GBE1: variants seen among roughly 807,000 people sequenced by gnomAD.
GBE1 encodes 1,4-alpha-glucan-branching enzyme.
A neutral mutation model predicts 88.8 loss-of-function variants in GBE1; 70 were observed. The observed-to-expected ratio is 0.79, with a 90% CI of 0.65 to 0.96. The LOEUF (loss-of-function observed/expected upper bound fraction) is 0.96. Among genes scored for constraint, GBE1 ranks in the 40% least tolerant of loss-of-function variants. The probability of loss-of-function intolerance (pLI) is 0.00; values close to 1 mark genes in which losing one functional copy is unlikely to be tolerated. For missense variants in GBE1, 872 were observed against 871.0 expected (o/e 1.00, Z -0.01); for synonymous variants, 284 against 300.1 (o/e 0.95, Z 0.56).
intron 2 of GBE1, among the ~76,000 whole-genome samples, chr3:81,678,874 G>C (rs942357224): frequency 2.0e-5 from 3 of 152,110 alleles, no homozygotes; most frequent in East Asian, 1.9e-4. Context: ...TCTGACTCTA[G>C]ACTGAATATA....
Position 81,525,016 on chromosome 3 carries a change from T to C in GBE1, c.1934+10179A>G, listed in dbSNP as rs555706890. Among the ~76,000 whole-genome samples the C allele has an allele frequency of 5.3e-5, 8 of 152,058 alleles. No individual in the cohort carries two copies. In the South Asian group the frequency reaches 1.7e-3, roughly 31 times the overall value. On this transcript the variant is annotated intron_variant, in intron 14 of 15. Coordinates refer to ENST00000429644, the MANE Select transcript of GBE1 (RefSeq NM_000158.4). ...AGCCTTGGATTGGTATGGTCATTGGTATACGGCCATTCAGGAATATATTGT... is the reference window on the plus strand; with the variant it reads ...AGCCTTGGATTGGTATGGTCATTGGCATACGGCCATTCAGGAATATATTGT...
At chr3:81,757,635 GTTACCTT>G (rs1559711244) in intron 1 of GBE1, among the ~76,000 whole-genome samples, 1 of 152,148 alleles carries the variant, frequency 6.6e-6, no homozygotes, top group Non-Finnish European at 1.5e-5. Context: ...GAAATCACTC[GTTACCTT>G]TTAGGTTTGA....
chr3:81,647,694 T>G (rs781161681), intron 5 of GBE1, among the ~76,000 whole-genome samples: 7 of 152,170 alleles, frequency 4.6e-5, no homozygotes, highest in African/African-American at 7.2e-5. Flanking sequence ...TTCTTAAGGT[T>G]TATATAAGCT....
intron 3 of GBE1, among the ~76,000 whole-genome samples, chr3:81,659,867 TTAAA>T (rs1240389027): frequency 6.6e-6 from 1 of 151,790 alleles, no homozygotes; most frequent in Non-Finnish European, 1.5e-5. Context: ...TTAATGACTA[TTAAA>T]TAAACAGTTA....
At chr3:81,677,782 TG>T (rs1705282163) in intron 2 of GBE1, among the ~76,000 whole-genome samples, 1 of 152,128 alleles carries the variant, frequency 6.6e-6, no homozygotes, top group African/African-American at 2.4e-5. Flanking sequence ...GCTAGTACCC[TG>T]GGAAGGACCT....
intron 7 of GBE1, among the ~76,000 whole-genome samples, chr3:81,637,201 C>T (rs1464951446): frequency 3.3e-5 from 5 of 152,140 alleles, no homozygotes; most frequent in African/African-American, 1.2e-4. Flanking sequence ...ACTGTACTCA[C>T]TCTTCTTCTT....
chr3:81,597,126 A>T (rs1703966538), intron 7 of GBE1, among the ~76,000 whole-genome samples: 1 of 151,958 alleles, frequency 6.6e-6, no homozygotes, highest in African/African-American at 2.4e-5. Context: ...GAGTCAGAGT[A>T]TAACAATGTC....
chr3:81,639,104 C>A (rs571388438), intron 7 of GBE1, among the ~76,000 whole-genome samples: 23 of 152,126 alleles, frequency 1.5e-4, no homozygotes, highest in Admixed American at 1.2e-3. Context: ...CTGATTTCAT[C>A]TGAATAAGGA....
chr3:81,646,551 C>T (rs914056145), intron 5 of GBE1, 69 bp from the exon 6 acceptor site: 8 of 819,130 alleles, frequency 9.8e-6, no homozygotes, highest in African/African-American at 1.8e-5. Context: ...GGAAAAAAAG[C>T]ATCCTTATTC....
At chr3:81,665,831 G>T (rs13099181) in intron 3 of GBE1, among the ~76,000 whole-genome samples, 3 of 152,092 alleles carry the variant, frequency 2.0e-5, no homozygotes, top group Non-Finnish European at 2.9e-5. Context: ...GGTAGAAAAT[G>T]AACATTTTGT....
intron 1 of GBE1, among the ~76,000 whole-genome samples, chr3:81,715,432 A>C (rs1286342835): frequency 6.6e-6 from 1 of 152,208 alleles, no homozygotes; most frequent in Non-Finnish European, 1.5e-5. Context: ...GCAGACAGTT[A>C]ATTCCCACCA....
intron 1 of GBE1, among the ~76,000 whole-genome samples, chr3:81,717,664 T>C (rs574612543): frequency 6.6e-6 from 1 of 152,272 alleles, no homozygotes; most frequent in South Asian, 2.1e-4. Flanking sequence ...GAAAGATGAA[T>C]ATCCAAAGTT....
chr3:81,524,867 T>C (rs760253723), intron 14 of GBE1, among the ~76,000 whole-genome samples: 2 of 151,774 alleles, frequency 1.3e-5, no homozygotes, highest in Admixed American at 6.6e-5. Flanking sequence ...GTTCTTTTTG[T>C]GCAACATGTC....
At chr3:81,635,131 C>T (rs1175528627) in intron 7 of GBE1, among the ~76,000 whole-genome samples, 2 of 152,098 alleles carry the variant, frequency 1.3e-5, no homozygotes, top group East Asian at 1.9e-4. Context: ...TTTAATGATG[C>T]TTTCAACAGA....
At chr3:81,557,389 A>C (rs1703362155) in intron 12 of GBE1, among the ~76,000 whole-genome samples, 1 of 152,072 alleles carries the variant, frequency 6.6e-6, no homozygotes, top group Non-Finnish European at 1.5e-5. Flanking sequence ...AAAATAAACA[A>C]ATAAAAGGAA....
At chr3:81,750,682 T>TACAC (rs540663766) in intron 1 of GBE1, among the ~76,000 whole-genome samples, 1 of 73,702 alleles carries the variant, frequency 1.4e-5, no homozygotes, top group South Asian at 3.6e-4. Context: ...TACGTATATA[T>TACAC]ATATATATAT....
intron 2 of GBE1, among the ~76,000 whole-genome samples, chr3:81,702,209 G>A (rs1362476178): frequency 2.0e-5 from 3 of 149,420 alleles, no homozygotes; most frequent in Non-Finnish European, 4.5e-5. Context: ...CACGTAGGTT[G>A]TCATCACAAT....
chr3:81,628,424 G>A (rs1704450051), intron 7 of GBE1, among the ~76,000 whole-genome samples: 1 of 152,018 alleles, frequency 6.6e-6, no homozygotes, highest in African/African-American at 2.4e-5. Context: ...AACAGTGAGG[G>A]CAAGAGCTCT....
rs545557241 is a variant in GBE1, at chr3:81,680,328, C to T, written c.314-9375G>A. Among the ~76,000 whole-genome samples the T allele has an allele frequency of 2.0e-5, 3 of 152,032 alleles. No individual in the cohort carries two copies. In the South Asian group the frequency reaches 6.2e-4, roughly 32 times the overall value. ...CTAACATGGTGAAACACCGTCTCTA[C>T]TAAAAATGCAAAAACAAAATTAGCT... is the stretch of plus-strand genomic sequence containing the variant. On this transcript the variant is annotated intron_variant, in intron 2 of 15. Transcript: ENST00000429644.
Sources: allele counts gnomAD v4.1 joint callset (sites outside exome capture counted in the v4.1 genomes callset), GRCh38; gene constraint gnomAD v4.1.1; transcripts MANE v1.5; gene names NCBI Gene and HGNC (gene_info 2026-07-23, HGNC 2026-07-21).